DPP6: variants seen among roughly 807,000 people sequenced by gnomAD.
The protein encoded by DPP6 is dipeptidyl peptidase like 6, also known as A-type potassium channel modulatory protein DPP6.
A neutral mutation model predicts 122.6 loss-of-function variants in DPP6; 69 were observed. That is an observed-to-expected ratio of 0.56 (90% CI 0.46 to 0.69). The LOEUF (loss-of-function observed/expected upper bound fraction) is 0.69, where lower values mean the gene tolerates loss of function less well. DPP6 is among the 30% of genes least tolerant of loss of function. The pLI is 0.00. For synonymous variants in DPP6, 418 were observed against 433.1 expected, an observed-to-expected ratio of 0.97 and a Z score of 0.43; for missense variants, 928 against 1,116.9, an observed-to-expected ratio of 0.83 and a Z score of 2.41.
At chr7:153,811,061 C>CT in the DPP6 span, among the ~76,000 whole-genome samples, 1 of 151,848 alleles carries the variant, frequency 6.6e-6, no homozygotes, top group Non-Finnish European at 1.5e-5. Flanking sequence ...GCGCCTGCTG[C>CT]TGACCCTCTG....
rs56020996 is a variant in DPP6 at position 154,553,902 on chromosome 7, C to CAA, written c.553-12919_553-12918dup. On this transcript the variant is annotated intron_variant, in intron 4 of 25. Coordinates refer to ENST00000377770, the MANE Select transcript of DPP6 (RefSeq NM_130797.4). ...ACATTGAGTCAGTTTAGCCTAATGC[C>CAA]AAAAAAAAAAAAAAAAAAAAAAGTG... Among the ~76,000 whole-genome samples, 443 of 103,080 alleles carry CAA rather than the reference C, an allele frequency of 4.3e-3. 1 individual carries two copies. Among genetic ancestry groups the CAA allele is most frequent in the Non-Finnish European group, 5.9e-3 (297 of 50,726 alleles). 67.6% of individuals were successfully genotyped at this position (103,080 alleles called of 152,430 possible).
chr7:153,872,321 G>T, the DPP6 span, among the ~76,000 whole-genome samples: 1 of 152,162 alleles, frequency 6.6e-6, no homozygotes, highest in Admixed American at 6.5e-5. Flanking sequence ...TACTGCTATG[G>T]AAGGTGCTCT....
chr7:154,129,053 C>T (rs1008543230), intron 1 of DPP6, among the ~76,000 whole-genome samples: 1 of 152,086 alleles, frequency 6.6e-6, no homozygotes, highest in Non-Finnish European at 1.5e-5. Context: ...ACAAACCCAC[C>T]ACCCCCCGAC....
intron 1 of DPP6, among the ~76,000 whole-genome samples, chr7:154,371,972 C>T (rs549754012): frequency 3.3e-5 from 5 of 152,162 alleles, no homozygotes; most frequent in South Asian, 2.1e-4. Context: ...TATCAAGGGC[C>T]GTCCCTGAAA....
intron 1 of DPP6, among the ~76,000 whole-genome samples, chr7:153,964,913 C>CCTTCCTTT (rs1795587766): frequency 8.8e-6 from 1 of 113,366 alleles, no homozygotes; most frequent in Non-Finnish European, 1.6e-5. Flanking sequence ...CTTTTCTTTT[C>CCTTCCTTT]CTTTCTTTCT....
intron 1 of DPP6, among the ~76,000 whole-genome samples, chr7:154,053,266 C>G (rs1349629326): frequency 1.3e-5 from 2 of 151,358 alleles, no homozygotes; most frequent in Non-Finnish European, 3.0e-5. Context: ...GTGTCTGCAG[C>G]CGCGGCGGCC....
chr7:154,829,443 AGGGGAATGGT>A (rs1800450111), intron 16 of DPP6, among the ~76,000 whole-genome samples: 3 of 69,474 alleles, frequency 4.3e-5, no homozygotes, highest in African/African-American at 1.8e-4. Context: ...AGGAGAGGGG[AGGGGAATGGT>A]GGGGAGGGGA....
chr7:153,887,128 G>A (rs572038355), exon 1 of DPP6: 68 of 152,588 alleles, frequency 4.5e-4, no homozygotes, highest in Admixed American at 5.9e-4. Flanking sequence ...GCGCGCGCGC[G>A]CACACACACA....
intron 1 of DPP6, among the ~76,000 whole-genome samples, chr7:154,018,952 C>T (rs996798101): frequency 2.0e-5 from 3 of 151,992 alleles, no homozygotes; most frequent in African/African-American, 7.2e-5. Flanking sequence ...TTAAGTACAG[C>T]CCTTAGTGCA....
At chr7:154,027,395 G>T (rs2533809) in intron 1 of DPP6, among the ~76,000 whole-genome samples, 19 of 152,096 alleles carry the variant, frequency 1.2e-4, no homozygotes, top group East Asian at 5.9e-4. Flanking sequence ...AAAGCACTTG[G>T]CCGTCTTCTG....
intron 1 of DPP6, among the ~76,000 whole-genome samples, chr7:154,034,386 A>C (rs1489366718): frequency 6.6e-6 from 1 of 152,172 alleles, no homozygotes; most frequent in East Asian, 1.9e-4. Flanking sequence ...GAGGATGTGG[A>C]GCCTCTGATG....
intron 1 of DPP6, among the ~76,000 whole-genome samples, chr7:154,368,909 A>T (rs1263492192): frequency 6.6e-6 from 1 of 152,186 alleles, no homozygotes; most frequent in Non-Finnish European, 1.5e-5. Flanking sequence ...TAAACAGGAA[A>T]AGGGTTGAGC....
chr7:154,867,577 A>G (rs1803992779), intron 17 of DPP6, among the ~76,000 whole-genome samples: 1 of 152,232 alleles, frequency 6.6e-6, no homozygotes, highest in South Asian at 2.1e-4. Flanking sequence ...ATGATACCCT[A>G]GTTTCTACCC....
At chr7:154,576,780 G>A (rs1006276845) in intron 5 of DPP6, among the ~76,000 whole-genome samples, 4 of 152,284 alleles carry the variant, frequency 2.6e-5, no homozygotes, top group South Asian at 2.1e-4. Context: ...CGACCTGCAC[G>A]GAGACCCTGG....
At chr7:154,063,054 ACGAGAG>A (rs1585288270) in intron 1 of DPP6, among the ~76,000 whole-genome samples, 3 of 117,128 alleles carry the variant, frequency 2.6e-5, no homozygotes, top group African/African-American at 6.3e-5. Flanking sequence ...GGCACCCCCC[ACGAGAG>A]TGGGGACTGA....
intron 1 of DPP6, among the ~76,000 whole-genome samples, chr7:154,002,813 C>T (rs900270437): frequency 6.6e-6 from 1 of 152,128 alleles, no homozygotes; most frequent in African/African-American, 2.4e-5. Context: ...GCCCAGAGGA[C>T]AGAGCATATG....
At chr7:154,351,962 G>C (rs368463507) in intron 1 of DPP6, among the ~76,000 whole-genome samples, 122 of 152,202 alleles carry the variant, frequency 8.0e-4, no homozygotes, top group African/African-American at 2.7e-3. Context: ...TGACATCCCA[G>C]CAGGGCACTG....
At chr7:154,879,534 T>A (rs1417902522) in intron 20 of DPP6, among the ~76,000 whole-genome samples, 3 of 87,614 alleles carry the variant, frequency 3.4e-5, no homozygotes, top group Non-Finnish European at 5.9e-5. Context: ...GAGCCTGCAG[T>A]GAGCCGAGAT....
At chr7:154,484,141 C>G (rs1435333961) in intron 3 of DPP6, among the ~76,000 whole-genome samples, 3 of 152,142 alleles carry the variant, frequency 2.0e-5, no homozygotes, top group Non-Finnish European at 4.4e-5. Context: ...ATGGCAAATA[C>G]CCTCTTATTG....
Sources: gnomAD v4.1 joint callset for allele counts (sites outside exome capture counted in the v4.1 genomes callset) on GRCh38, gnomAD v4.1.1 for gene constraint, MANE v1.5 for transcripts, NCBI Gene and HGNC (gene_info 2026-07-23, HGNC 2026-07-21) for gene names.